SLC26A7: variants seen among roughly 807,000 people sequenced by gnomAD.
SLC26A7 encodes anion exchange transporter.
A neutral mutation model predicts 82.5 loss-of-function variants in SLC26A7; 59 were observed. The observed-to-expected ratio is 0.72, with a 90% confidence interval of 0.58 to 0.89. The LOEUF is 0.89. Ranked by LOEUF, SLC26A7 falls within the 40% of genes least tolerant of loss-of-function variation. The pLI is 0.00. For missense variants in SLC26A7, 820 were observed against 793.0 expected (o/e 1.03, Z -0.41); for synonymous variants, 271 against 274.3 (o/e 0.99, Z 0.12).
intron 11 of SLC26A7, among the ~76,000 whole-genome samples, chr8:91,358,329 CTTTTTTT>C (rs71273702): frequency 2.2e-5 from 3 of 133,354 alleles, no homozygotes; most frequent in African/African-American, 5.6e-5. Context: ...TTTTCTTTTT[CTTTTTTT>C]TTTTTTTTTT....
intron 15 of SLC26A7, among the ~76,000 whole-genome samples, chr8:91,380,421 A>G (rs1357293516): frequency 4.6e-5 from 7 of 152,178 alleles, no homozygotes; most frequent in Non-Finnish European, 1.0e-4. Context: ...TTTTGGGCAT[A>G]AAACAAAGTT....
intron 13 of SLC26A7, among the ~76,000 whole-genome samples, chr8:91,366,227 A>G (rs1395625398): frequency 6.6e-6 from 1 of 152,166 alleles, no homozygotes; most frequent in Non-Finnish European, 1.5e-5. Context: ...GGTTAAGTAA[A>G]TTAATTTTTA....
At chr8:91,222,722 A>G (rs1307048274) in intron 2 of SLC26A7, among the ~76,000 whole-genome samples, 1 of 152,174 alleles carries the variant, frequency 6.6e-6, no homozygotes, top group East Asian at 1.9e-4. Context: ...ATCGTGGTGG[A>G]TAAATTTTTT....
At chr8:91,253,604 C>T (rs1411179166) in intron 2 of SLC26A7, among the ~76,000 whole-genome samples, 1 of 152,058 alleles carries the variant, frequency 6.6e-6, no homozygotes, top group Non-Finnish European at 1.5e-5. Flanking sequence ...TTCAGCATGT[C>T]CTATTAGATC....
intron 2 of SLC26A7, among the ~76,000 whole-genome samples, chr8:91,235,514 A>G (rs1217115829): frequency 1.3e-5 from 2 of 152,238 alleles, no homozygotes; most frequent in Non-Finnish European, 2.9e-5. Flanking sequence ...AGTGTAAGCC[A>G]TGAAATATTT....
intron 9 of SLC26A7, chr8:91,348,451 A>G (rs1460979364): frequency 7.9e-6 from 5 of 635,770 alleles, no homozygotes; most frequent in Admixed American, 1.3e-4. Flanking sequence ...AACATAGAGC[A>G]TATAAAATAA....
rs1207364488 is a variant in SLC26A7, at chr8:91,362,478, G to T, written c.1421+19G>T. On this transcript the variant is annotated intron_variant, in intron 12 of 18. Coordinates refer to ENST00000276609, the MANE Select transcript of SLC26A7 (RefSeq NM_052832.4). ...TCCCAAGGTAGGATCCTATGTAAAT[G>T]CTCTGTTTATTTTTGCACAGCAGCA... 6.3e-7 allele frequency: 1 copy of T among 1,595,674 alleles called. No homozygotes were observed.
intron 2 of SLC26A7, among the ~76,000 whole-genome samples, chr8:91,279,699 A>G (rs1158583618): frequency 2.0e-5 from 3 of 152,052 alleles, no homozygotes; most frequent in African/African-American, 4.8e-5. Context: ...AGCTGGGACT[A>G]TAGGCGTCCA....
intron 5 of SLC26A7, among the ~76,000 whole-genome samples, chr8:91,319,699 C>A (rs966667122): frequency 6.6e-6 from 1 of 152,226 alleles, no homozygotes; most frequent in African/African-American, 2.4e-5. Flanking sequence ...CAGGTCTACA[C>A]GACAGAACCA....
intron 2 of SLC26A7, among the ~76,000 whole-genome samples, chr8:91,287,574 C>T (rs1468216127): frequency 6.6e-6 from 1 of 152,142 alleles, no homozygotes; most frequent in Admixed American, 6.5e-5. Flanking sequence ...CTTTCTTCTC[C>T]ACCACTGATT....
At position 91,397,944 on chromosome 8, in the gene SLC26A7, G is replaced by A. The variant is rs1393926621; in HGVS notation, c.*2847G>A. ...TATAGAATATGCTGTTTGGCAATGA[G>A]TTTGTGGCCAGATTTCAAATAGGGA... is the stretch of plus-strand genomic sequence containing the variant. On this transcript the variant is annotated 3_prime_UTR_variant, in exon 19 of 19. Coordinates refer to ENST00000276609, the MANE Select transcript of SLC26A7 (RefSeq NM_052832.4). 2 of 152,492 alleles carry A rather than the reference G, an allele frequency of 1.3e-5. No homozygotes were observed. Among genetic ancestry groups the A allele is most frequent in the African/African-American group, 4.8e-5 (2 of 41,438 alleles). The allele number at this position is 152,492 out of a possible 1,614,324, so 9.4% of individuals were successfully genotyped here.
At chr8:91,379,595 C>A (rs1050531907) in intron 15 of SLC26A7, among the ~76,000 whole-genome samples, 7 of 151,950 alleles carry the variant, frequency 4.6e-5, no homozygotes, top group African/African-American at 1.7e-4. Context: ...AATGCAGAGA[C>A]AATTATGTAT....
intron 2 of SLC26A7, among the ~76,000 whole-genome samples, chr8:91,261,985 A>G (rs756524829): frequency 6.6e-6 from 1 of 152,064 alleles, no homozygotes; most frequent in Admixed American, 6.6e-5. Flanking sequence ...AAAACGTACC[A>G]TTGGACGTGA....
At chr8:91,257,132 C>G (rs180743693) in intron 2 of SLC26A7, among the ~76,000 whole-genome samples, 2 of 152,096 alleles carry the variant, frequency 1.3e-5, no homozygotes, top group Non-Finnish European at 2.9e-5. Context: ...AGAAGCAATA[C>G]AATGAGCTAT....
At chr8:91,330,253 T>A (rs1019788348) in intron 5 of SLC26A7, among the ~76,000 whole-genome samples, 4 of 152,156 alleles carry the variant, frequency 2.6e-5, no homozygotes, top group African/African-American at 9.6e-5. Context: ...TTTTCTTTGC[T>A]CAAAAGATTT....
chr8:91,383,503 C>G (rs1814718632), intron 15 of SLC26A7, among the ~76,000 whole-genome samples: 1 of 152,064 alleles, frequency 6.6e-6, no homozygotes, highest in Admixed American at 6.6e-5. Context: ...TAGCCCTCTC[C>G]CCTAAAAATC....
chr8:91,376,772 G>A (rs1377800455), intron 15 of SLC26A7, among the ~76,000 whole-genome samples: 1 of 152,132 alleles, frequency 6.6e-6, no homozygotes, highest in Non-Finnish European at 1.5e-5. Context: ...ACGGGAGGAT[G>A]GCAAGGGGAG....
chr8:91,389,570 G>A (rs545574691), intron 16 of SLC26A7, 132 bp downstream of exon 16: 91 of 702,914 alleles, frequency 1.3e-4, no homozygotes, highest in Non-Finnish European at 2.1e-4. Context: ...TACAAAGGAC[G>A]TAGAACTTTG....
intron 2 of SLC26A7, among the ~76,000 whole-genome samples, chr8:91,256,767 A>G (rs1033134780): frequency 6.6e-6 from 1 of 152,290 alleles, no homozygotes; most frequent in East Asian, 1.9e-4. Context: ...CTATTATAGT[A>G]TAAATGTGTT....
Sources: gnomAD v4.1 joint callset for allele counts (sites outside exome capture counted in the v4.1 genomes callset) on GRCh38, gnomAD v4.1.1 for gene constraint, MANE v1.5 for transcripts, NCBI Gene and HGNC (gene_info 2026-07-23, HGNC 2026-07-21) for gene names.